ODF2: variants seen among roughly 807,000 people sequenced by gnomAD.
ODF2 encodes the protein outer dense fiber protein 2.
In ODF2, 47 loss-of-function variants were observed where a neutral mutation model predicts 110.2. That is an observed-to-expected ratio of 0.43 (90% CI 0.34 to 0.54). The LOEUF is 0.54. Ranked by LOEUF, ODF2 falls within the 20% of genes least tolerant of loss-of-function variation. The probability of loss-of-function intolerance (pLI) is 0.03; values close to 1 mark genes in which losing one functional copy is unlikely to be tolerated. For synonymous variants in ODF2, 352 were observed against 397.7 expected (o/e 0.89, Z 1.37); for missense variants, 812 against 1,054.5 (o/e 0.77, Z 3.19).
chr9:128,483,784 G>C (rs936334310), intron 10 of ODF2, among the ~76,000 whole-genome samples, 154 bp from the exon 11 acceptor site: 13 of 151,896 alleles, frequency 8.6e-5, no homozygotes, highest in Non-Finnish European at 1.5e-4. Flanking sequence ...TACTCAGGAG[G>C]CTGAGGCGGG....
At chr9:128,456,463 C>A (rs981278350) in intron 1 of ODF2, 2 of 1,518,186 alleles carry the variant, frequency 1.3e-6, no homozygotes, top group South Asian at 1.2e-5. Context: ...AACGGGCGGT[C>A]GGCCGCCTCC....
At chr9:128,460,623 T>C in intron 3 of ODF2, 1 of 1,613,978 alleles carries the variant, frequency 6.2e-7, no homozygotes, top group Non-Finnish European at 8.5e-7. Flanking sequence ...CCTGTCCACG[T>C]CCACATAAAA....
At chr9:128,464,974 C>T (rs971945235) in intron 4 of ODF2, among the ~76,000 whole-genome samples, 10 of 152,050 alleles carry the variant, frequency 6.6e-5, no homozygotes, top group Admixed American at 1.3e-4. Flanking sequence ...GTATTACAGG[C>T]GTGAGCCACT....
intron 3 of ODF2, chr9:128,460,563 A>G (rs1229822786): frequency 1.4e-5 from 22 of 1,613,722 alleles, no homozygotes; most frequent in Non-Finnish European, 1.8e-5. Flanking sequence ...CCAACCATGA[A>G]GGACCGCTCT....
chr9:128,496,071 G>A (rs1845519836), exon 18 of ODF2: 2 of 1,613,872 alleles, frequency 1.2e-6, no homozygotes, highest in Middle Eastern at 1.6e-4. Context: ...GCTGGAGATG[G>A]CGAGAGAGAA....
chr9:128,500,292 A>G (rs1303596446), exon 21 of ODF2: 1 of 1,605,850 alleles, frequency 6.2e-7, no homozygotes, highest in Non-Finnish European at 8.5e-7. Context: ...GATGGAAGCC[A>G]TAGGAACTCC....
chr9:128,487,810 C>A (rs151110754), intron 13 of ODF2, 80 bp from the exon 14 acceptor site: 10,536 of 311,830 alleles, frequency 0.034, 351 homozygotes, highest in African/African-American at 0.25. Flanking sequence ...ACAAAACACA[C>A]ACACACACAC....
chr9:128,474,480 G>A (rs571951170), intron 8 of ODF2, among the ~76,000 whole-genome samples: 91 of 151,484 alleles, frequency 6.0e-4, no homozygotes, highest in South Asian at 1.5e-3. Flanking sequence ...GCGACAGAGC[G>A]AGATTCCATC....
intron 8 of ODF2, among the ~76,000 whole-genome samples, chr9:128,474,450 G>A (rs996208566): frequency 7.9e-5 from 12 of 151,892 alleles, no homozygotes; most frequent in African/African-American, 2.4e-4. Context: ...CTGAGATCGC[G>A]TCACTGCACT....
At chr9:128,473,535 A>T in intron 7 of ODF2, 75 bp from the exon 8 acceptor site, 2 of 1,581,392 alleles carry the variant, frequency 1.3e-6, no homozygotes, top group Non-Finnish European at 8.6e-7. Flanking sequence ...CTGGCACCAG[A>T]CCTCTTGAGT....
At chr9:128,467,979 G>A (rs1378144806) in intron 4 of ODF2, among the ~76,000 whole-genome samples, 1 of 151,994 alleles carries the variant, frequency 6.6e-6, no homozygotes, top group Admixed American at 6.6e-5. Flanking sequence ...ACAGGCATGA[G>A]CCACCGCTCC....
rs768186984 is a variant in ODF2, at chr9:128,500,150, C to G, written c.2385C>G (p.Asn795Lys). 3 of 1,614,276 alleles carry G rather than the reference C, an allele frequency of 1.9e-6. No homozygotes were observed. The Admixed American group carries it at 5.0e-5, about 27-fold the overall frequency. ...AGAGCACCAACCGCAGCATGCAGAA[C>G]TACGTCCAGTTCCTCAAATCATCAT... Residue 795 changes from asparagine to lysine, a missense_variant, in exon 21 of 21, where the codon AAC becomes AAG. By Grantham distance (94) the Asn-to-Lys change is moderately conservative (BLOSUM62 0). Coordinates refer to ENST00000604420, the Ensembl canonical transcript of ODF2.
intron 5 of ODF2, among the ~76,000 whole-genome samples, chr9:128,470,156 C>T (rs1839619007): frequency 6.7e-6 from 1 of 148,588 alleles, no homozygotes; most frequent in South Asian, 2.2e-4. Flanking sequence ...GAAATAGAAC[C>T]TGGAAGTCCA....
chr9:128,482,024 G>A (rs1465979411), intron 9 of ODF2, among the ~76,000 whole-genome samples: 1 of 152,182 alleles, frequency 6.6e-6, no homozygotes, highest in East Asian at 1.9e-4. Flanking sequence ...CTCTCCCAAA[G>A]CAGCATGTTC....
chr9:128,463,510 T>G (rs1371484896), intron 4 of ODF2, among the ~76,000 whole-genome samples: 1 of 152,016 alleles, frequency 6.6e-6, no homozygotes, highest in Admixed American at 6.6e-5. Context: ...CCTACTTACT[T>G]GGAGGGGAGG....
chr9:128,460,800 A>G (rs1008614819), intron 3 of ODF2, 134 bp downstream of exon 3: 1 of 1,512,010 alleles, frequency 6.6e-7, no homozygotes, highest in African/African-American at 1.4e-5. Context: ...CCTGGTTAGA[A>G]GGTAGGCAGG....
At chr9:128,486,649 C>G (rs940050061) in intron 13 of ODF2, among the ~76,000 whole-genome samples, 3 of 152,206 alleles carry the variant, frequency 2.0e-5, no homozygotes, top group Admixed American at 2.0e-4. Flanking sequence ...GATGGCCTTG[C>G]TGAGTGACTG....
At position 128,494,867 on chromosome 9, in the gene ODF2, T is replaced by C; in HGVS notation, c.1911+199T>C. ...TGTGTTTGCACAAAGTGATTGTAGT[T>C]ATAGGAGCCGTCACTTGCGTGGAGT... is the stretch of plus-strand genomic sequence containing the variant. On this transcript the variant is annotated intron_variant, in intron 17 of 20. Coordinates refer to ENST00000604420, the Ensembl canonical transcript of ODF2. The surrounding 1 kb of genome is among the most constrained non-coding windows in gnomAD (Gnocchi z 4.6). The C allele has an allele frequency of 6.8e-7, 1 of 1,461,706 alleles. No homozygotes were observed. The highest frequency in any genetic ancestry group is 9.0e-7 in the Non-Finnish European group (1 of 1,109,192). 90.5% of individuals were successfully genotyped at this position (1,461,706 alleles called of 1,614,324 possible). A position where few individuals can be genotyped will look rare whatever the true frequency, so the allele number is the denominator to read the frequency against.
At chr9:128,480,451 C>A (rs1281805141) in intron 8 of ODF2, among the ~76,000 whole-genome samples, 1 of 152,188 alleles carries the variant, frequency 6.6e-6, no homozygotes. Context: ...TATAATACAT[C>A]ATTAATTATA....
Sources: gnomAD v4.1 joint callset for allele counts (sites outside exome capture counted in the v4.1 genomes callset) on GRCh38, gnomAD v4.1.1 for gene constraint, Gnocchi (gnomAD v3.1) non-coding constraint, MANE v1.5 for transcripts, NCBI Gene and HGNC (gene_info 2026-07-23, HGNC 2026-07-21) for gene names.